The following PNMA6E variants were observed in gnomAD, a reference collection of about 807,000 sequenced individuals.
The protein encoded by PNMA6E is PNMA family member 6E, also known as paraneoplastic antigen Ma6E.
For synonymous variants in PNMA6E, 43 were observed against 17.1 expected, an observed-to-expected ratio of 2.52 and a Z score of -3.74; for missense variants, 78 against 50.8, an observed-to-expected ratio of 1.53 and a Z score of -1.63.
At chrX:153,403,187 G>A (rs2088862372), upstream of PNMA6E, among the ~76,000 whole-genome samples, 2 of 111,148 alleles carry the variant, frequency 1.8e-5, no homozygotes, top group East Asian at 2.8e-4. Context: ...TCTATATATT[G>A]TCCCACAGCT....
the PNMA6E span, among the ~76,000 whole-genome samples, chrX:153,411,425 C>A: frequency 8.9e-6 from 1 of 112,027 alleles, no homozygotes; most frequent in Non-Finnish European, 1.9e-5. Flanking sequence ...TGCTCCATGC[C>A]CCCCCCACAA....
upstream of PNMA6E, among the ~76,000 whole-genome samples, chrX:153,401,630 CG>C (rs1177311770): frequency 8.9e-6 from 1 of 111,909 alleles, no homozygotes; most frequent in Admixed American, 9.4e-5. Context: ...CGAGGATCGG[CG>C]GAGTACATTT....
intron 1 of PNMA6E, among the ~76,000 whole-genome samples, chrX:153,400,523 T>A (rs1394410421): frequency 8.9e-6 from 1 of 111,831 alleles, no homozygotes; most frequent in African/African-American, 3.3e-5. Context: ...GACATGAGCC[T>A]CCCTCTGTGG....
chrX:153,406,143 A>G (rs2088876098), upstream of PNMA6E, among the ~76,000 whole-genome samples: 1 of 112,589 alleles, frequency 8.9e-6, no homozygotes, highest in Non-Finnish European at 1.9e-5. Flanking sequence ...AGAGCTGCTC[A>G]AGTTCTGAGA....
rs2088823551 is a variant in PNMA6E, at chrX:153,398,131, G to GCTCCTGCCTCACCTGCGC, written c.701_718dup (p.Gly234_Gly239dup). 5.8e-4 allele frequency: 229 copies of GCTCCTGCCTCACCTGCGC among 396,735 alleles called. 3 individuals carry two copies. The East Asian group carries it at 8.8e-3, about 15-fold the overall frequency. 32.7% of individuals were successfully genotyped at this position (396,735 alleles called of 1,213,427 possible). ...ACCTGCGCCTCCTGCCTCACCTGCT[G>GCTCCTGCCTCACCTGCGC]CTCCTGCCTCACCTGCGCCTCCTGC... On this transcript the variant is annotated inframe_insertion, in exon 2 of 2. Transcript: ENST00000445091.
rs2088815872 is a variant in PNMA6E, at chrX:153,397,374, C to T, written c.1476G>A (p.Glu492=). The T allele has an allele frequency of 2.7e-5, 8 of 297,258 alleles. No homozygotes were observed. The highest frequency in any genetic ancestry group is 2.9e-5 in the Non-Finnish European group (5 of 170,257). The allele number at this position is 297,258 out of a possible 1,213,427, so 24.5% of individuals were successfully genotyped here. Residue 492 remains glutamate (E), a synonymous_variant, in exon 2 of 2, where the codon GAG becomes GAA. Coordinates refer to ENST00000445091, the MANE Select transcript of PNMA6E (RefSeq NM_001367770.1). Reference sequence around the variant, plus strand: ...TCCTCGCTGGGAAGGCTGCCCATGCCTCCATCTCCCGGATGAGCCGGAGCA... The same window carrying T: ...TCCTCGCTGGGAAGGCTGCCCATGCTTCCATCTCCCGGATGAGCCGGAGCA... The part of the protein sequence containing the change: ...LGLLRLIREM[E]AWAAFPARSQ...
At chrX:153,400,748 G>A (rs372105548) in intron 1 of PNMA6E, among the ~76,000 whole-genome samples, 27 of 99,139 alleles carry the variant, frequency 2.7e-4, no homozygotes, top group African/African-American at 6.8e-4. Context: ...GCCGCCCTCC[G>A]TCCCGCCCCA....
the PNMA6E span, among the ~76,000 whole-genome samples, chrX:153,406,753 T>C: frequency 1.8e-5 from 2 of 112,628 alleles, no homozygotes; most frequent in African/African-American, 6.5e-5. Context: ...GGTTTCTTTG[T>C]GGAGAAATTA....
chrX:153,396,520 G>C lies in PNMA6E; in HGVS notation c.*386C>G, dbSNP rs1050194065. On this transcript the variant is annotated 3_prime_UTR_variant, in exon 2 of 2. Coordinates refer to ENST00000445091, the MANE Select transcript of PNMA6E (RefSeq NM_001367770.1). ...CCCTCTTGAGAGACCCAGGCAGCTG[G>C]CAACCTTGAGAGGGCCTCTTTCCCC... 3.4e-5 allele frequency: 4 copies of C among 116,940 alleles called. No individual in the cohort carries two copies. The East Asian group carries it at 8.2e-4, about 24-fold the overall frequency. 9.6% of individuals were successfully genotyped at this position (116,940 alleles called of 1,213,427 possible).
the PNMA6E span, among the ~76,000 whole-genome samples, chrX:153,409,594 C>T: frequency 8.8e-6 from 1 of 113,234 alleles, no homozygotes; most frequent in Admixed American, 9.2e-5. Flanking sequence ...CTCTAGGCGT[C>T]GCGCTCTTCA....
chrX:153,406,432 T>C, the PNMA6E span, among the ~76,000 whole-genome samples: 2 of 112,354 alleles, frequency 1.8e-5, no homozygotes, highest in Non-Finnish European at 3.8e-5. Flanking sequence ...AGCCCAGACA[T>C]TTTCCACTCC....
At chrX:153,411,761 G>A in the PNMA6E span, among the ~76,000 whole-genome samples, 2 of 112,700 alleles carry the variant, frequency 1.8e-5, no homozygotes, top group East Asian at 2.8e-4. Flanking sequence ...GGCCCGTCTC[G>A]GCAGGGTGCA....
intron 1 of PNMA6E, among the ~76,000 whole-genome samples, chrX:153,400,961 GTCC>G: frequency 9.1e-6 from 1 of 109,941 alleles, no homozygotes; most frequent in East Asian, 2.9e-4. Context: ...GGACCCAGGG[GTCC>G]TCCTCTGGCC....
At chrX:153,406,898 C>T in the PNMA6E span, among the ~76,000 whole-genome samples, 2 of 111,999 alleles carry the variant, frequency 1.8e-5, no homozygotes, top group Non-Finnish European at 1.9e-5. Flanking sequence ...AGACCTAAAA[C>T]GTGCAGAGAA....
Position 153,397,913 on chromosome X carries a change from G to A in PNMA6E, c.937C>T (p.Leu313=). ...QPWRCTLQPV[L]ENRAYRELRP... ...AATTCCCGGTAGGCCCTGTTTTCCAGCACAGGCTGTAGGGTGCAGCGCCAA... is the reference window on the plus strand; with the variant it reads ...AATTCCCGGTAGGCCCTGTTTTCCAACACAGGCTGTAGGGTGCAGCGCCAA... The change falls in exon 2 of 2, where the codon CTG becomes TTG. Residue 313 remains leucine (L), a synonymous_variant. Transcript: ENST00000445091. 2.8e-6 allele frequency: 1 copy of A among 351,877 alleles called. No homozygotes were observed. Among genetic ancestry groups the A allele is most frequent in the Non-Finnish European group, 4.9e-6 (1 of 203,232 alleles). 29.0% of individuals were successfully genotyped at this position (351,877 alleles called of 1,213,427 possible).
Position 153,397,984 on chromosome X carries a change from A to G in PNMA6E, c.866T>C (p.Val289Ala), listed in dbSNP as rs2088821316. Residue 289 changes from valine (V) to alanine (A), a missense_variant, in exon 2 of 2, where the codon GTG becomes GCG. Physicochemically the swap from Val to Ala is moderately conservative, Grantham distance 64. Coordinates refer to ENST00000445091, the MANE Select transcript of PNMA6E (RefSeq NM_001367770.1). ...TACATTTGTCCCTCCTGCTTCACCC[A>G]CAGCTCCTGCCTCACCTGCAGCTCC... is the stretch of plus-strand genomic sequence containing the variant. ...EAGAAGEAGA[V>A]GEAGGTNVTK... 2.3e-6 allele frequency: 1 copy of G among 426,981 alleles called. No homozygotes were observed. The highest frequency in any genetic ancestry group is 4.0e-6 in the Non-Finnish European group (1 of 247,421). The allele number at this position is 426,981 out of a possible 1,213,427, so 35.2% of individuals were successfully genotyped here. A position where few individuals can be genotyped will look rare whatever the true frequency, so the allele number is the denominator to read the frequency against.
At chrX:153,408,243 G>A in the PNMA6E span, among the ~76,000 whole-genome samples, 30 of 112,822 alleles carry the variant, frequency 2.7e-4, no homozygotes, top group African/African-American at 9.7e-4. Context: ...AGCCACAGCT[G>A]CAGCCATGAG....
the PNMA6E span, among the ~76,000 whole-genome samples, chrX:153,413,171 C>T: frequency 2.7e-5 from 3 of 110,512 alleles, no homozygotes; most frequent in Non-Finnish European, 5.7e-5. Context: ...CTGTCCCTTG[C>T]TGTGGATGAA....
chrX:153,399,013 G>A, intron 1 of PNMA6E, 93 bp from the exon 2 acceptor site: 1 of 293,637 alleles, frequency 3.4e-6, no homozygotes. Context: ...GGGCAGGGCT[G>A]GAGTTCCTCT....
Sources: gnomAD v4.1 joint callset for allele counts (sites outside exome capture counted in the v4.1 genomes callset) on GRCh38, gnomAD v4.1.1 for gene constraint, MANE v1.5 for transcripts, NCBI Gene and HGNC (gene_info 2026-07-23, HGNC 2026-07-21) for gene names.